OR1J2: variants seen among roughly 807,000 people sequenced by gnomAD.
OR1J2 encodes the protein olfactory receptor family 1 subfamily J member 2.
For synonymous variants in OR1J2, 142 were observed against 99.7 expected (o/e 1.42, Z -2.52); for missense variants, 304 against 246.1 (o/e 1.24, Z -1.57).
downstream of OR1J2, among the ~76,000 whole-genome samples, chr9:122,512,014 C>A (rs1828647468): frequency 6.6e-6 from 1 of 152,166 alleles, no homozygotes; most frequent in African/African-American, 2.4e-5. Context: ...ATACAGTTTT[C>A]TTATCCCTTA....
the OR1J2 span, among the ~76,000 whole-genome samples, chr9:122,478,113 C>T: frequency 1.2e-4 from 18 of 152,284 alleles, no homozygotes; most frequent in African/African-American, 3.1e-4. Context: ...AAGGTTTAGT[C>T]GATATAGCTA....
the OR1J2 span, among the ~76,000 whole-genome samples, chr9:122,573,258 A>G: frequency 6.6e-6 from 1 of 152,214 alleles, no homozygotes; most frequent in East Asian, 1.9e-4. Context: ...AGCTGACTCC[A>G]AGGAGACAGG....
the OR1J2 span, among the ~76,000 whole-genome samples, chr9:122,570,192 C>T: frequency 6.7e-6 from 1 of 149,934 alleles, no homozygotes; most frequent in South Asian, 2.2e-4. Flanking sequence ...TGGGTATATA[C>T]CCAGTAATGG....
the OR1J2 span, among the ~76,000 whole-genome samples, chr9:122,552,909 A>T: frequency 6.7e-6 from 1 of 149,136 alleles, no homozygotes; most frequent in Non-Finnish European, 1.5e-5. Context: ...ACTTCCTCTA[A>T]ATAGCCCATG....
At chr9:122,531,816 G>A in the OR1J2 span, among the ~76,000 whole-genome samples, 3 of 152,164 alleles carry the variant, frequency 2.0e-5, no homozygotes, top group African/African-American at 4.8e-5. Flanking sequence ...AGGCCAAACC[G>A]AGGAATTATG....
the OR1J2 span, among the ~76,000 whole-genome samples, chr9:122,483,528 A>G: frequency 3.3e-5 from 5 of 152,340 alleles, no homozygotes; most frequent in African/African-American, 1.2e-4. Flanking sequence ...ACGTGGAACA[A>G]CACTATATAT....
chr9:122,556,874 A>G, the OR1J2 span, among the ~76,000 whole-genome samples: 2 of 152,268 alleles, frequency 1.3e-5, no homozygotes, highest in African/African-American at 2.4e-5. Context: ...GAGTTTTCCT[A>G]TACATGAACA....
chr9:122,525,741 G>T, the OR1J2 span, among the ~76,000 whole-genome samples: 1 of 152,156 alleles, frequency 6.6e-6, no homozygotes, highest in South Asian at 2.1e-4. Context: ...CAACCGTGGG[G>T]TGGGCAACCC....
At chr9:122,449,449 A>C in the OR1J2 span, among the ~76,000 whole-genome samples, 1 of 152,132 alleles carries the variant, frequency 6.6e-6, no homozygotes, top group African/African-American at 2.4e-5. Context: ...GGCTTACTGC[A>C]AGCTCTGCCT....
chr9:122,510,706 A>G, upstream of OR1J2: 1 of 776,996 alleles, frequency 1.3e-6, no homozygotes, highest in Non-Finnish European at 2.1e-6. Flanking sequence ...TGTCTATGTT[A>G]AAACGTACAT....
chr9:122,499,403 C>T, the OR1J2 span, among the ~76,000 whole-genome samples: 2 of 152,238 alleles, frequency 1.3e-5, no homozygotes, highest in Non-Finnish European at 2.9e-5. Context: ...TATCTCTGCA[C>T]AGGAGGGATG....
the OR1J2 span, among the ~76,000 whole-genome samples, chr9:122,497,258 C>T: frequency 2.6e-5 from 4 of 152,158 alleles, no homozygotes; most frequent in African/African-American, 9.7e-5. Flanking sequence ...GTTCTTGGAA[C>T]AAAATTTCAG....
At chr9:122,526,484 A>T in the OR1J2 span, 1 of 1,574,290 alleles carries the variant, frequency 6.4e-7, no homozygotes, top group Non-Finnish European at 8.6e-7. Flanking sequence ...CAGCTGCTGC[A>T]ATGTCCTTCT....
chr9:122,526,540 T>G, the OR1J2 span: 71 of 1,609,072 alleles, frequency 4.4e-5, 1 homozygote, highest in South Asian at 6.8e-4. Context: ...CTGAAGAGGG[T>G]CCCATAGAAC....
the OR1J2 span, among the ~76,000 whole-genome samples, chr9:122,456,787 T>C: frequency 6.6e-6 from 1 of 152,180 alleles, no homozygotes; most frequent in Non-Finnish European, 1.5e-5. Context: ...TGTAAATTAG[T>C]TCAACCATTG....
chr9:122,484,888 G>A, the OR1J2 span, among the ~76,000 whole-genome samples: 167 of 151,988 alleles, frequency 1.1e-3, no homozygotes, highest in Non-Finnish European at 1.2e-3. Context: ...CAAAAAATTA[G>A]CCAGGAATGG....
At chr9:122,562,342 G>C in the OR1J2 span, among the ~76,000 whole-genome samples, 1 of 152,244 alleles carries the variant, frequency 6.6e-6, no homozygotes, top group Non-Finnish European at 1.5e-5. Flanking sequence ...CAGCTGTGGT[G>C]ATGGCTGCAA....
At chr9:122,522,026 C>T in the OR1J2 span, among the ~76,000 whole-genome samples, 1 of 152,234 alleles carries the variant, frequency 6.6e-6, no homozygotes, top group Non-Finnish European at 1.5e-5. Flanking sequence ...GCCCAAAGCA[C>T]ACTGGGGTGC....
Position 122,510,858 on chromosome 9 carries a change from C to G in OR1J2, c.57C>G (p.Ile19Met). Reference sequence around the variant, plus strand: ...AGTTCCTCCTTCTGGGCCTCCCCATCCGGCCAGAGCAGCAGGCTGTGTTCT... The same window carrying G: ...AGTTCCTCCTTCTGGGCCTCCCCATGCGGCCAGAGCAGCAGGCTGTGTTCT... ...VSEFLLLGLPIRPEQQAVFFT... is the reference protein window; with the variant it reads ...VSEFLLLGLPMRPEQQAVFFT... Residue 19 changes from isoleucine to methionine, a missense_variant, in exon 1 of 1, where the codon ATC (isoleucine) becomes ATG (methionine). By Grantham distance (10) the Ile-to-Met change is conservative (BLOSUM62 1). Coordinates refer to ENST00000335302, the MANE Select transcript of OR1J2 (RefSeq NM_054107.1). 1.2e-6 allele frequency: 2 copies of G among 1,609,820 alleles called. No individual in the cohort carries two copies. The highest frequency in any genetic ancestry group is 1.7e-6 in the Non-Finnish European group (2 of 1,176,410).
Sources: allele counts gnomAD v4.1 joint callset (sites outside exome capture counted in the v4.1 genomes callset), GRCh38; gene constraint gnomAD v4.1.1; transcripts MANE v1.5; gene names NCBI Gene and HGNC (gene_info 2026-07-23, HGNC 2026-07-21).